Variants in SLC29A3 observed in about 807,000 individuals in gnomAD.
The protein encoded by SLC29A3 is equilibrative nucleoside transporter 3.
In SLC29A3, 18 loss-of-function variants were observed where a neutral mutation model predicts 25.4. The observed-to-expected ratio is 0.71, with a 90% confidence interval of 0.49 to 1.05. The LOEUF (loss-of-function observed/expected upper bound fraction) is 1.05. SLC29A3 is among the 50% of genes least tolerant of loss of function. The pLI is 0.00. For missense variants in SLC29A3, 586 were observed against 609.0 expected, an observed-to-expected ratio of 0.96 and a Z score of 0.40; for synonymous variants, 258 against 267.1, an observed-to-expected ratio of 0.97 and a Z score of 0.33.
At chr10:71,335,641 A>G (rs74144913) in intron 2 of SLC29A3, among the ~76,000 whole-genome samples, 5,349 of 152,202 alleles carry the variant, frequency 0.035, 320 homozygotes, top group African/African-American at 0.12. Context: ...GTGAGGGTGA[A>G]GGAGAAACCA....
intron 2 of SLC29A3, among the ~76,000 whole-genome samples, chr10:71,334,096 G>T (rs775522726): frequency 1.3e-5 from 2 of 152,212 alleles, no homozygotes; most frequent in Non-Finnish European, 2.9e-5. Flanking sequence ...TTCTGTTTCT[G>T]ACTGTGTTTC....
intron 2 of SLC29A3, among the ~76,000 whole-genome samples, chr10:71,325,113 G>A (rs1212110259): frequency 6.6e-6 from 1 of 152,168 alleles, no homozygotes. Context: ...AAGGGGGTAT[G>A]CTAGCACCCC....
chr10:71,334,803 A>T (rs898456473), intron 2 of SLC29A3, among the ~76,000 whole-genome samples: 1 of 152,022 alleles, frequency 6.6e-6, no homozygotes, highest in Non-Finnish European at 1.5e-5. Flanking sequence ...TGGAGGCTTG[A>T]GCACATCAAG....
chr10:71,339,444 G>A (rs750743047), intron 2 of SLC29A3, among the ~76,000 whole-genome samples: 1 of 152,208 alleles, frequency 6.6e-6, no homozygotes, highest in Admixed American at 6.5e-5. Context: ...AGGGAGCACA[G>A]CTATCCCTCT....
rs775076301 is a variant in SLC29A3 at position 71,362,051 on chromosome 10, A to T, written c.871A>T (p.Ile291Phe). ...TGCCCCTTCGGTGGCCTCCAGATTC[A>T]TTGATTCCCACACACCCCCTCTCCG... Reference protein sequence around the residue: ...LSAPSVASRFIDSHTPPLRPI... With the variant: ...LSAPSVASRFFDSHTPPLRPI... Residue 291 changes from isoleucine (I) to phenylalanine (F), a missense_variant, in exon 6 of 6, where the codon ATT becomes TTT. Physicochemically the swap from Ile to Phe is conservative, Grantham distance 21. Transcript: ENST00000373189. 6 of 1,613,978 alleles carry T rather than the reference A, an allele frequency of 3.7e-6. No individual in the cohort carries two copies. The East Asian group carries it at 1.3e-4, about 36-fold the overall frequency.
At chr10:71,348,623 T>C (rs1425277099) in intron 3 of SLC29A3, among the ~76,000 whole-genome samples, 1 of 152,036 alleles carries the variant, frequency 6.6e-6, no homozygotes, top group East Asian at 1.9e-4. Context: ...CAGGGGTAAG[T>C]CTTGACTGCT....
chr10:71,353,755 A>ACG (rs748993371), intron 4 of SLC29A3, among the ~76,000 whole-genome samples: 2 of 151,988 alleles, frequency 1.3e-5, no homozygotes, highest in Non-Finnish European at 2.9e-5. Context: ...TGAATTCCGC[A>ACG]CGCGTTGGCA....
chr10:71,321,177 C>T (rs1252560153), intron 1 of SLC29A3, among the ~76,000 whole-genome samples: 1 of 152,196 alleles, frequency 6.6e-6, no homozygotes, highest in Non-Finnish European at 1.5e-5. Flanking sequence ...TGGGACATAG[C>T]AAGTGCCTTC....
chr10:71,360,409 C>G (rs553291834), intron 5 of SLC29A3, among the ~76,000 whole-genome samples: 2 of 152,254 alleles, frequency 1.3e-5, no homozygotes, highest in East Asian at 3.9e-4. Context: ...TCCCAAAGTG[C>G]TGGGATTACA....
chr10:71,335,537 G>C (rs1388098514), intron 2 of SLC29A3, among the ~76,000 whole-genome samples: 1 of 152,196 alleles, frequency 6.6e-6, no homozygotes. Flanking sequence ...GGGGATGCCT[G>C]GGGGAGAGGC....
chr10:71,362,724 A>C lies in SLC29A3; in HGVS notation c.*116A>C. 1.4e-6 allele frequency: 2 copies of C among 1,398,144 alleles called. No homozygotes were observed. Among genetic ancestry groups the C allele is most frequent in the Non-Finnish European group, 2.0e-6 (2 of 1,005,474 alleles). The allele number at this position is 1,398,144 out of a possible 1,614,324, so 86.6% of individuals were successfully genotyped here. Reference sequence around the variant, plus strand: ...AGTTTCACTTGGGGACAGAGAGCAGAGCACACTCGGGCCTCATCCCTCCCA... The same window carrying C: ...AGTTTCACTTGGGGACAGAGAGCAGCGCACACTCGGGCCTCATCCCTCCCA... On this transcript the variant is annotated 3_prime_UTR_variant, in exon 6 of 6. Transcript: ENST00000373189.
At chr10:71,355,006 G>T (rs1157745950) in intron 4 of SLC29A3, among the ~76,000 whole-genome samples, 1 of 151,864 alleles carries the variant, frequency 6.6e-6, no homozygotes, top group Non-Finnish European at 1.5e-5. Flanking sequence ...TGGCTGTGAG[G>T]GTTCGAAGGA....
At position 71,319,278 on chromosome 10, in the gene SLC29A3, C is replaced by T. The variant is rs749774997; in HGVS notation, c.-32C>T. 3.2e-6 allele frequency: 2 copies of T among 623,964 alleles called. No individual in the cohort carries two copies. Among genetic ancestry groups the T allele is most frequent in the Non-Finnish European group, 5.8e-6 (2 of 347,696 alleles). The allele number at this position is 623,964 out of a possible 1,614,324, so 38.7% of individuals were successfully genotyped here. A position where few individuals can be genotyped will look rare whatever the true frequency, so the allele number is the denominator to read the frequency against. ...AAGCCCAGTGGTCCTGGCCGTGCGC[C>T]GGAGGCAGCGGCGGCGTGGCGCAGC... is the stretch of plus-strand genomic sequence containing the variant. On this transcript the variant is annotated 5_prime_UTR_variant, in exon 1 of 6. Coordinates refer to ENST00000373189, the MANE Select transcript of SLC29A3 (RefSeq NM_018344.6).
At chr10:71,355,965 A>G (rs987697441) in intron 4 of SLC29A3, 116 bp from the exon 5 acceptor site, 5 of 1,236,480 alleles carry the variant, frequency 4.0e-6, no homozygotes, top group Admixed American at 1.7e-5. Context: ...GAGCTTTGGC[A>G]TTTTTCGCAC....
chr10:71,368,546 C>T (rs896973274), intron 3 of SLC29A3, among the ~76,000 whole-genome samples: 1 of 152,212 alleles, frequency 6.6e-6, no homozygotes, highest in Non-Finnish European at 1.5e-5. Context: ...GACCTGGGGG[C>T]AGGACACACT....
intron 2 of SLC29A3, among the ~76,000 whole-genome samples, chr10:71,338,113 A>G (rs1846301696): frequency 6.6e-6 from 1 of 152,140 alleles, no homozygotes; most frequent in Admixed American, 6.5e-5. Flanking sequence ...CTGGGTGAGG[A>G]ACCCCCATGC....
At chr10:71,377,061 CG>C (rs1270153126) in intron 4 of SLC29A3, among the ~76,000 whole-genome samples, 2 of 152,326 alleles carry the variant, frequency 1.3e-5, no homozygotes, top group African/African-American at 4.8e-5. Flanking sequence ...CCACCGCGCC[CG>C]GCCCTGTCTT....
chr10:71,333,593 G>A (rs544428196), intron 2 of SLC29A3, among the ~76,000 whole-genome samples: 1 of 152,378 alleles, frequency 6.6e-6, no homozygotes, highest in South Asian at 2.1e-4. Context: ...AGGCCACAGG[G>A]CATGGCCCTT....
intron 5 of SLC29A3, among the ~76,000 whole-genome samples, chr10:71,357,272 G>A (rs1273302928): frequency 6.6e-6 from 1 of 152,084 alleles, no homozygotes; most frequent in Admixed American, 6.5e-5. Flanking sequence ...AAAATTAGCC[G>A]GGCATGGTGG....
Sources: gnomAD v4.1 joint callset for allele counts (sites outside exome capture counted in the v4.1 genomes callset) on GRCh38, gnomAD v4.1.1 for gene constraint, MANE v1.5 for transcripts, NCBI Gene and HGNC (gene_info 2026-07-23, HGNC 2026-07-21) for gene names.